The following PLCE1 variants were observed in gnomAD, a reference collection of about 807,000 sequenced individuals.
The protein encoded by PLCE1 is 1-phosphatidylinositol 4,5-bisphosphate phosphodiesterase epsilon-1.
A neutral mutation model predicts 242.8 loss-of-function variants in PLCE1; 119 were observed. The observed-to-expected ratio is 0.49, with a 90% CI of 0.42 to 0.57. The LOEUF (loss-of-function observed/expected upper bound fraction) is 0.57. PLCE1 is among the 20% of genes least tolerant of loss of function. PLCE1 has a pLI of 0.00. For missense variants in PLCE1, 2,441 were observed against 2,788.8 expected, an observed-to-expected ratio of 0.88 and a Z score of 2.81; for synonymous variants, 945 against 1,017.4, an observed-to-expected ratio of 0.93 and a Z score of 1.35.
At chr10:94,121,989 G>A (rs557510602) in intron 2 of PLCE1, among the ~76,000 whole-genome samples, 1 of 152,310 alleles carries the variant, frequency 6.6e-6, no homozygotes, top group South Asian at 2.1e-4. Flanking sequence ...CAGGAGTTCA[G>A]CCAATGAAGG....
At chr10:94,193,098 A>G (rs1476765484) in intron 4 of PLCE1, among the ~76,000 whole-genome samples, 1 of 152,224 alleles carries the variant, frequency 6.6e-6, no homozygotes, top group Non-Finnish European at 1.5e-5. Flanking sequence ...AGGCTAAAAT[A>G]CTTATCATCT....
At chr10:94,104,114 GC>G (rs1304928952) in intron 2 of PLCE1, 1 of 152,166 alleles carries the variant, frequency 6.6e-6, no homozygotes, top group Non-Finnish European at 1.5e-5. Flanking sequence ...TCAATGTGCG[GC>G]CACTCTCAGC....
chr10:94,004,658 C>T (rs1642262121), intron 1 of PLCE1, among the ~76,000 whole-genome samples: 1 of 152,140 alleles, frequency 6.6e-6, no homozygotes, highest in Non-Finnish European at 1.5e-5. Context: ...TCATCCTTGT[C>T]TCCTTTTTGC....
chr10:94,224,047 C>A (rs1469577409), intron 4 of PLCE1, among the ~76,000 whole-genome samples: 5 of 152,006 alleles, frequency 3.3e-5, no homozygotes, highest in Middle Eastern at 3.2e-3. Flanking sequence ...ATGAATACAT[C>A]AGACCATAAT....
intron 2 of PLCE1, among the ~76,000 whole-genome samples, chr10:94,106,898 G>A (rs902817124): frequency 8.4e-4 from 38 of 45,276 alleles, no homozygotes; most frequent in African/African-American, 2.1e-3. Flanking sequence ...ACTGGTGCTC[G>A]TGTTGTCTCT....
chr10:94,000,970 C>T (rs981136741), intron 1 of PLCE1, among the ~76,000 whole-genome samples: 1 of 152,176 alleles, frequency 6.6e-6, no homozygotes, highest in Non-Finnish European at 1.5e-5. Context: ...CTCCCTGCTT[C>T]TGCTCAATAC....
chr10:94,135,382 AG>A (rs2046738199), intron 3 of PLCE1, among the ~76,000 whole-genome samples: 1 of 152,184 alleles, frequency 6.6e-6, no homozygotes, highest in South Asian at 2.1e-4. Flanking sequence ...ACTCTGCCAG[AG>A]GATCAGGAGT....
intron 24 of PLCE1, among the ~76,000 whole-genome samples, chr10:94,300,440 G>C (rs551015452): frequency 6.6e-6 from 1 of 152,278 alleles, no homozygotes; most frequent in African/African-American, 2.4e-5. Context: ...AAGTTTCTCT[G>C]CATAATCTTC....
intron 7 of PLCE1, among the ~76,000 whole-genome samples, chr10:94,242,194 A>G (rs2050528852): frequency 6.6e-6 from 1 of 152,246 alleles, no homozygotes; most frequent in Non-Finnish European, 1.5e-5. Context: ...AATAAGACAC[A>G]AATGATTTTT....
At chr10:94,239,274 G>A (rs1364996731) in intron 7 of PLCE1, among the ~76,000 whole-genome samples, 1 of 152,210 alleles carries the variant, frequency 6.6e-6, no homozygotes, top group East Asian at 1.9e-4. Flanking sequence ...GAGAGACCAG[G>A]TGGAGGTAAT....
chr10:94,025,896 T>G (rs1484864883), intron 1 of PLCE1, among the ~76,000 whole-genome samples: 3 of 152,210 alleles, frequency 2.0e-5, no homozygotes, highest in Non-Finnish European at 2.9e-5. Flanking sequence ...GACTTTTCTG[T>G]AAAGAGCCAG....
intron 2 of PLCE1, chr10:94,109,304 TAA>T (rs1012231649): frequency 6.6e-6 from 1 of 152,212 alleles, no homozygotes; most frequent in Admixed American, 6.5e-5. Flanking sequence ...CTTATCTCAA[TAA>T]ATAGCTGTTA....
intron 2 of PLCE1, among the ~76,000 whole-genome samples, chr10:94,103,755 T>A (rs2045626751): frequency 6.6e-6 from 1 of 152,228 alleles, no homozygotes; most frequent in African/African-American, 2.4e-5. Flanking sequence ...ACACGGTGTG[T>A]GTGCATGCAC....
intron 3 of PLCE1, among the ~76,000 whole-genome samples, chr10:94,160,939 G>T (rs993769698): frequency 6.6e-6 from 1 of 152,110 alleles, no homozygotes; most frequent in Non-Finnish European, 1.5e-5. Context: ...TTATTTCTGA[G>T]GGCTCTGTTC....
In PLCE1 at chr10:94,330,936, A is replaced by C. The variant is rs373036147; in HGVS notation, c.*2993A>C. On this transcript the variant is annotated 3_prime_UTR_variant, in exon 33 of 33. Coordinates refer to ENST00000371380, the MANE Select transcript of PLCE1 (RefSeq NM_016341.4). The stretch of plus-strand genomic sequence containing the variant: ...TCTCATTAAAGTTGATGTGGACAAG[A>C]ATCTAAATATGCAAGTTGGGGTCAT... 1 of 152,352 alleles carries C rather than the reference A, an allele frequency of 6.6e-6. No individual in the cohort carries two copies. The highest frequency in any genetic ancestry group is 2.4e-5 in the African/African-American group (1 of 41,584). 9.4% of individuals were successfully genotyped at this position (152,352 alleles called of 1,614,324 possible). A position where few individuals can be genotyped will look rare whatever the true frequency, so the allele number is the denominator to read the frequency against.
At chr10:94,100,309 A>T (rs2045481015) in intron 2 of PLCE1, 1 of 152,006 alleles carries the variant, frequency 6.6e-6, no homozygotes, top group Non-Finnish European at 1.5e-5. Flanking sequence ...TGCAGTCTTC[A>T]CCACCCCCTC....
intron 1 of PLCE1, among the ~76,000 whole-genome samples, chr10:93,999,602 T>G (rs2134163518): frequency 6.6e-6 from 1 of 152,292 alleles, no homozygotes; most frequent in Non-Finnish European, 1.5e-5. Flanking sequence ...ACTCGTAAGT[T>G]TTCACTGTTG....
intron 29 of PLCE1, among the ~76,000 whole-genome samples, chr10:94,320,879 A>G (rs1209327685): frequency 1.3e-5 from 2 of 152,238 alleles, no homozygotes; most frequent in African/African-American, 4.8e-5. Context: ...GCAAATGTTT[A>G]AAAGGATGTA....
chr10:94,056,539 C>A (rs558948582), intron 2 of PLCE1, among the ~76,000 whole-genome samples: 1 of 152,154 alleles, frequency 6.6e-6, no homozygotes, highest in African/African-American at 2.4e-5. Flanking sequence ...GGTAAATTTT[C>A]TTTCAATTTT....
Sources: gnomAD v4.1 joint callset for allele counts (sites outside exome capture counted in the v4.1 genomes callset) on GRCh38, gnomAD v4.1.1 for gene constraint, MANE v1.5 for transcripts, NCBI Gene and HGNC (gene_info 2026-07-23, HGNC 2026-07-21) for gene names.